SDK1: variants seen among roughly 807,000 people sequenced by gnomAD.
SDK1 encodes sidekick cell adhesion molecule 1.
In SDK1, 157 loss-of-function variants were observed where a neutral mutation model predicts 245.5. The ratio of observed to expected loss-of-function variants is 0.64; its 90% CI spans 0.56 to 0.73. The LOEUF is 0.73. SDK1 is among the 30% of genes least tolerant of loss of function. The probability of loss-of-function intolerance (pLI) is 0.00; values close to 1 mark genes in which losing one functional copy is unlikely to be tolerated. For missense variants in SDK1, 3,583 were observed against 3,002.3 expected (o/e 1.19, Z -4.52); for synonymous variants, 1,647 against 1,278.5 (o/e 1.29, Z -6.15).
intron 40 of SDK1, among the ~76,000 whole-genome samples, chr7:4,231,034 G>A (rs1583131868): frequency 6.6e-6 from 1 of 152,078 alleles, no homozygotes; most frequent in African/African-American, 2.4e-5. Flanking sequence ...AGTTCTCCAG[G>A]TCCAGAGGAG....
chr7:3,493,010 G>T (rs1013563357), intron 1 of SDK1, among the ~76,000 whole-genome samples: 6 of 152,062 alleles, frequency 3.9e-5, no homozygotes, highest in Non-Finnish European at 5.9e-5. Flanking sequence ...GAGTGCAGTG[G>T]CGTGATCTCT....
intron 5 of SDK1, among the ~76,000 whole-genome samples, chr7:3,947,163 GCA>G (rs144997929): frequency 2.0e-5 from 3 of 150,880 alleles, no homozygotes; most frequent in South Asian, 2.1e-4. Context: ...ATGCATGCAT[GCA>G]CACACACACA....
intron 17 of SDK1, among the ~76,000 whole-genome samples, chr7:4,019,733 G>T (rs1786721534): frequency 1.3e-5 from 2 of 152,030 alleles, no homozygotes. Flanking sequence ...GACATTGGGG[G>T]TTGGTATACA....
At chr7:3,682,502 A>G (rs73039925) in intron 4 of SDK1, among the ~76,000 whole-genome samples, 1 of 6,022 alleles carries the variant, frequency 1.7e-4, no homozygotes, top group Non-Finnish European at 5.3e-4. Flanking sequence ...TATGCACTGA[A>G]CTGTCCAGGG....
chr7:4,145,588 G>T, intron 28 of SDK1, 134 bp from the exon 29 acceptor site: 1 of 749,988 alleles, frequency 1.3e-6, no homozygotes, highest in Non-Finnish European at 2.1e-6. Context: ...CCCTTTCAGT[G>T]CACAGGCAGT....
At chr7:3,777,172 T>A (rs1219130383) in intron 4 of SDK1, among the ~76,000 whole-genome samples, 2 of 152,222 alleles carry the variant, frequency 1.3e-5, no homozygotes, top group South Asian at 2.1e-4. Flanking sequence ...AACTTTGTTG[T>A]GATGAAGACT....
chr7:3,913,271 T>C (rs1013231149), intron 5 of SDK1, among the ~76,000 whole-genome samples: 2 of 151,488 alleles, frequency 1.3e-5, no homozygotes, highest in Non-Finnish European at 2.9e-5. Flanking sequence ...TCCCCTCCTC[T>C]GACCTTTCTC....
chr7:3,808,350 T>A (rs1383547654), intron 4 of SDK1, among the ~76,000 whole-genome samples: 1 of 151,926 alleles, frequency 6.6e-6, no homozygotes, highest in African/African-American at 2.4e-5. Context: ...CCTAGGGAGG[T>A]ATGTCCAAAG....
In SDK1 at chr7:3,619,734, C is replaced by CA. The variant is rs541033285; in HGVS notation, c.458+497dup. Among the ~76,000 whole-genome samples, 372 of 152,192 alleles carry CA rather than the reference C, an allele frequency of 2.4e-3. 3 individuals are homozygous for CA. Among genetic ancestry groups the CA allele is most frequent in the South Asian group, 0.017 (84 of 4,816 alleles). The stretch of plus-strand genomic sequence containing the variant: ...TGCATACAGCCTGTATATTCAGCAG[C>CA]AATAAAACAGTATATATTGAAGTCC... On this transcript the variant is annotated intron_variant, in intron 2 of 44. Coordinates refer to ENST00000404826, the MANE Select transcript of SDK1 (RefSeq NM_152744.4).
At chr7:3,892,428 A>C in intron 5 of SDK1, among the ~76,000 whole-genome samples, 1 of 152,048 alleles carries the variant, frequency 6.6e-6, no homozygotes, top group East Asian at 1.9e-4. Context: ...GGAAGCGGGA[A>C]CCCCCAGGAT....
In SDK1 at chr7:4,019,951, C is replaced by T. The variant is rs575086210; in HGVS notation, c.2602+2599C>T. Among the ~76,000 whole-genome samples the T allele has an allele frequency of 1.2e-4, 19 of 152,298 alleles. No homozygotes were observed. In the East Asian group the frequency reaches 2.9e-3, roughly 23 times the overall value. On this transcript the variant is annotated intron_variant, in intron 17 of 44. Coordinates refer to ENST00000404826, the MANE Select transcript of SDK1 (RefSeq NM_152744.4). Reference sequence around the variant, plus strand: ...CTCAGCCCTCCCTCTCTGGATGTCTCGGACTCCCGTGTGCTCAGTGGGATG... The same window carrying T: ...CTCAGCCCTCCCTCTCTGGATGTCTTGGACTCCCGTGTGCTCAGTGGGATG...
At chr7:4,011,150 G>C in intron 15 of SDK1, 37 bp downstream of exon 15, 6 of 1,606,536 alleles carry the variant, frequency 3.7e-6, no homozygotes, top group South Asian at 1.1e-5. Flanking sequence ...GTGTGGAACA[G>C]CCGGGGGCCT....
At chr7:3,604,602 C>CTTTTTTTTTTTTTTT (rs201453008) in intron 1 of SDK1, among the ~76,000 whole-genome samples, 2 of 110,486 alleles carry the variant, frequency 1.8e-5, no homozygotes, top group African/African-American at 3.4e-5. Context: ...CTTTTCTTTT[C>CTTTTTTTTTTTTTTT]TTTTTTTTTT....
chr7:3,553,108 T>C (rs1280058299), intron 1 of SDK1, among the ~76,000 whole-genome samples: 1 of 152,184 alleles, frequency 6.6e-6, no homozygotes, highest in East Asian at 1.9e-4. Flanking sequence ...TTTCTGGTCT[T>C]TCCTATTCAT....
At chr7:3,703,230 T>C (rs190906111) in intron 4 of SDK1, among the ~76,000 whole-genome samples, 5 of 152,230 alleles carry the variant, frequency 3.3e-5, no homozygotes, top group African/African-American at 4.8e-5. Context: ...TTTCAATGAG[T>C]GAATAATTTT....
At chr7:3,936,980 G>A (rs537801786) in intron 5 of SDK1, among the ~76,000 whole-genome samples, 97 of 152,188 alleles carry the variant, frequency 6.4e-4, no homozygotes, top group Non-Finnish European at 1.1e-3. Flanking sequence ...AGGAATGTTG[G>A]AACTCGGAGA....
chr7:3,345,899 G>A (rs1294283208), intron 1 of SDK1, among the ~76,000 whole-genome samples: 4 of 152,148 alleles, frequency 2.6e-5, no homozygotes, highest in African/African-American at 7.2e-5. Context: ...GTAGTCAGGC[G>A]TTCAGTCTGT....
intron 1 of SDK1, among the ~76,000 whole-genome samples, chr7:3,574,229 G>C (rs1026083948): frequency 6.6e-6 from 1 of 151,334 alleles, no homozygotes; most frequent in African/African-American, 2.4e-5. Context: ...CAATTCTCCT[G>C]TCTCAGCCTC....
intron 5 of SDK1, among the ~76,000 whole-genome samples, chr7:3,918,169 C>T (rs188837093): frequency 1.4e-4 from 21 of 152,292 alleles, no homozygotes; most frequent in African/African-American, 4.3e-4. Context: ...GCATGGGCCA[C>T]GTGTCTTCCC....
Sources: gnomAD v4.1 joint callset for allele counts (sites outside exome capture counted in the v4.1 genomes callset) on GRCh38, gnomAD v4.1.1 for gene constraint, MANE v1.5 for transcripts, NCBI Gene and HGNC (gene_info 2026-07-23, HGNC 2026-07-21) for gene names.